The following CHLSN variants were observed in gnomAD, a reference collection of about 807,000 sequenced individuals.
The protein encoded by CHLSN is protein cholesin.
chr7:1,070,592 G>A, the CHLSN span, among the ~76,000 whole-genome samples: 80 of 144,968 alleles, frequency 5.5e-4, no homozygotes, highest in Admixed American at 1.4e-3. Context: ...ACACGGACAC[G>A]CACACACATG....
the CHLSN span, among the ~76,000 whole-genome samples, chr7:1,071,494 A>G: frequency 1.3e-5 from 2 of 152,124 alleles, no homozygotes; most frequent in Non-Finnish European, 2.9e-5. Context: ...TGGCCACACA[A>G]TACATTAAAA....
chr7:1,067,099 T>TTCACACAGGCTGCA, the CHLSN span, among the ~76,000 whole-genome samples: 2 of 146,856 alleles, frequency 1.4e-5, no homozygotes, highest in Admixed American at 6.8e-5. Flanking sequence ...GGGCACAGTC[T>TTCACACAGGCTGCA]GTTGGCGGAG....
the CHLSN span, among the ~76,000 whole-genome samples, chr7:982,367 C>T: frequency 6.6e-6 from 1 of 152,250 alleles, no homozygotes; most frequent in Non-Finnish European, 1.5e-5. Context: ...AGGGTCCCGC[C>T]TGCTGGCACC....
chr7:1,084,208 A>G, the CHLSN span, among the ~76,000 whole-genome samples: 1 of 152,236 alleles, frequency 6.6e-6, no homozygotes, highest in Non-Finnish European at 1.5e-5. Context: ...CTGCTGGTGC[A>G]TGTCTCCTTA....
the CHLSN span, among the ~76,000 whole-genome samples, chr7:1,131,579 G>A: frequency 1.3e-5 from 2 of 152,198 alleles, no homozygotes; most frequent in African/African-American, 4.8e-5. Flanking sequence ...GAAGCCAGAG[G>A]CTACAGATTT....
chr7:987,400 C>G, the CHLSN span: 1 of 1,594,970 alleles, frequency 6.3e-7, no homozygotes. Flanking sequence ...GACTCCCCGG[C>G]TGGAGGACCA....
At chr7:986,996 CT>C in the CHLSN span, 1 of 1,391,020 alleles carries the variant, frequency 7.2e-7, no homozygotes, top group African/African-American at 1.5e-5. Context: ...TGAGGGATGG[CT>C]GAGCCCAGAT....
At chr7:1,124,420 G>C in the CHLSN span, among the ~76,000 whole-genome samples, 1 of 151,694 alleles carries the variant, frequency 6.6e-6, no homozygotes, top group Admixed American at 6.6e-5. Context: ...GTGTGCCTGA[G>C]GCTCTGCGGA....
the CHLSN span, among the ~76,000 whole-genome samples, chr7:1,090,576 G>A: frequency 5.7e-3 from 820 of 143,060 alleles, 7 homozygotes; most frequent in African/African-American, 0.021. Context: ...GACACGGGGC[G>A]GGTGACGGGA....
the CHLSN span, chr7:1,045,835 C>A: frequency 1.3e-5 from 2 of 152,282 alleles, no homozygotes; most frequent in African/African-American, 4.8e-5. Flanking sequence ...GGGGCCAGAG[C>A]AGCTCACTGC....
chr7:1,101,424 C>T, the CHLSN span, among the ~76,000 whole-genome samples: 2 of 151,688 alleles, frequency 1.3e-5, no homozygotes, highest in East Asian at 3.9e-4. Flanking sequence ...CGTGCGGCGT[C>T]GGACCAGGGG....
At chr7:1,095,282 C>T in the CHLSN span, among the ~76,000 whole-genome samples, 3 of 138,040 alleles carry the variant, frequency 2.2e-5, no homozygotes, top group Non-Finnish European at 4.7e-5. Context: ...CAAACCCCCA[C>T]CCCCCACACC....
the CHLSN span, among the ~76,000 whole-genome samples, chr7:1,068,852 TA>T: frequency 6.6e-6 from 1 of 151,974 alleles, no homozygotes; most frequent in Non-Finnish European, 1.5e-5. Context: ...AGGACAACCC[TA>T]AAAAAACACC....
the CHLSN span, among the ~76,000 whole-genome samples, chr7:1,017,658 C>T: frequency 6.6e-6 from 1 of 152,238 alleles, no homozygotes; most frequent in Non-Finnish European, 1.5e-5. Context: ...ACGAACTTTC[C>T]TGGAGGGGAG....
chr7:984,322 A>G, the CHLSN span: 1 of 1,469,386 alleles, frequency 6.8e-7, no homozygotes. Context: ...CTCTGTCCCC[A>G]CCCCTACCCA....
chr7:1,042,426 CAACT>C, the CHLSN span, among the ~76,000 whole-genome samples: 101 of 152,362 alleles, frequency 6.6e-4, no homozygotes, highest in South Asian at 0.019. Flanking sequence ...TTCCCCCCAC[CAACT>C]GAGTCTTGTA....
chr7:1,133,683 G>A, the CHLSN span, among the ~76,000 whole-genome samples: 17 of 151,414 alleles, frequency 1.1e-4, no homozygotes, highest in African/African-American at 3.6e-4. Flanking sequence ...GAACACGGGA[G>A]GCGGAGATTG....
At chr7:1,107,791 CTG>C in the CHLSN span, among the ~76,000 whole-genome samples, 1 of 150,900 alleles carries the variant, frequency 6.6e-6, no homozygotes, top group East Asian at 2.1e-4. Flanking sequence ...CACTGGAGTC[CTG>C]CACCCCTGGA....
chr7:1,092,360 T>C, the CHLSN span: 3 of 1,611,298 alleles, frequency 1.9e-6, no homozygotes, highest in East Asian at 2.2e-5. Context: ...TTCGCGGATG[T>C]CCGGGAGGTG....
Sources: allele counts gnomAD v4.1 joint callset (sites outside exome capture counted in the v4.1 genomes callset), GRCh38; gene constraint gnomAD v4.1.1; transcripts MANE v1.5; gene names NCBI Gene and HGNC (gene_info 2026-07-23, HGNC 2026-07-21).